The following ANKRD26 variants were observed in gnomAD, a reference collection of about 807,000 sequenced individuals.
ANKRD26 encodes the protein ankyrin repeat domain 26, also known as ankyrin repeat domain-containing protein 26.
A neutral mutation model predicts 208.7 loss-of-function variants in ANKRD26; 141 were observed. That is an observed-to-expected ratio of 0.68 (90% confidence interval 0.59 to 0.78). The LOEUF (loss-of-function observed/expected upper bound fraction) is 0.78. Among genes scored for constraint, ANKRD26 ranks in the 30% least tolerant of loss-of-function variants. The probability of loss-of-function intolerance (pLI) is 0.00; values close to 1 mark genes in which losing one functional copy is unlikely to be tolerated. For synonymous variants in ANKRD26, 636 were observed against 660.4 expected (o/e 0.96, Z 0.57); for missense variants, 1,889 against 1,938.7 (o/e 0.97, Z 0.48).
At chr10:27,044,115 T>C in intron 19 of ANKRD26, 42 bp downstream of exon 19, 1 of 1,289,988 alleles carries the variant, frequency 7.8e-7, no homozygotes, top group Non-Finnish European at 1.1e-6. Context: ...TTATAATGTA[T>C]TTTTTTAAAC....
intron 27 of ANKRD26, among the ~76,000 whole-genome samples, chr10:27,028,187 C>G (rs2053731375): frequency 1.3e-5 from 2 of 152,130 alleles, no homozygotes; most frequent in Non-Finnish European, 2.9e-5. Flanking sequence ...AAATCTGAAA[C>G]TCTTGAGTGT....
At chr10:26,965,131 A>C in the ANKRD26 span, among the ~76,000 whole-genome samples, 10 of 152,298 alleles carry the variant, frequency 6.6e-5, no homozygotes, top group Admixed American at 2.0e-4. Context: ...AAAAAAACTA[A>C]TTTAAAGTTC....
chr10:27,060,018 G>A (rs2054992701), intron 15 of ANKRD26, among the ~76,000 whole-genome samples: 1 of 152,134 alleles, frequency 6.6e-6, no homozygotes, highest in African/African-American at 2.4e-5. Context: ...TGGCCAACAT[G>A]GTGAAACCCC....
At position 27,093,738 on chromosome 10, in the gene ANKRD26, T is replaced by C. The variant is rs772532727; in HGVS notation, c.304A>G (p.Arg102Gly). The C allele has an allele frequency of 1.9e-6, 3 of 1,614,158 alleles. No individual in the cohort carries two copies. Among genetic ancestry groups the C allele is most frequent in the South Asian group, 2.2e-5 (2 of 91,096 alleles). ...TCACAGACATTGAGCTGGCATTTTC[T>C]GTCCACCAGGAGAGTTACTACTTCT... ...HPEVVTLLVD[R>G]KCQLNVCDNE... Residue 102 changes from arginine (R) to glycine (G), a missense_variant, in exon 2 of 34, where the codon AGA becomes GGA. By Grantham distance (125) the Arg-to-Gly change is moderately radical (BLOSUM62 -2). Transcript: ENST00000376087.
chr10:26,995,069 T>A (rs1354959856), exon 5 of ANKRD26: 1 of 471,168 alleles, frequency 2.1e-6, no homozygotes, highest in Admixed American at 2.3e-5. Flanking sequence ...TCCAGTGGCA[T>A]CTATTGCAGG....
chr10:27,049,392 C>A (rs960051493), intron 16 of ANKRD26, among the ~76,000 whole-genome samples: 1 of 152,182 alleles, frequency 6.6e-6, no homozygotes, highest in African/African-American at 2.4e-5. Flanking sequence ...TTTTACACTA[C>A]GCAGCCAGGA....
At chr10:27,061,665 C>G (rs899857044) in intron 12 of ANKRD26, among the ~76,000 whole-genome samples, 2 of 150,414 alleles carry the variant, frequency 1.3e-5, no homozygotes, top group African/African-American at 4.9e-5. Flanking sequence ...CTCCCAGGCT[C>G]AAGCAATCCT....
intron 10 of ANKRD26, 41 bp downstream of exon 10, chr10:27,067,116 C>A: frequency 6.2e-7 from 1 of 1,603,650 alleles, no homozygotes; most frequent in South Asian, 1.1e-5. Flanking sequence ...CAGAATAGAA[C>A]TTAAGGATAG....
chr10:26,957,210 C>G, the ANKRD26 span, among the ~76,000 whole-genome samples: 6 of 152,068 alleles, frequency 3.9e-5, no homozygotes, highest in South Asian at 2.1e-4. Flanking sequence ...GAGTTCAAGA[C>G]CAGCCTGGGC....
At chr10:27,097,306 T>C (rs907372610) in intron 1 of ANKRD26, among the ~76,000 whole-genome samples, 2 of 137,282 alleles carry the variant, frequency 1.5e-5, no homozygotes, top group African/African-American at 5.5e-5. Context: ...AAACCCTGTC[T>C]CTACTAGAAA....
chr10:26,988,897 G>A (rs1287573548), downstream of ANKRD26, among the ~76,000 whole-genome samples: 1 of 140,674 alleles, frequency 7.1e-6, no homozygotes, highest in Non-Finnish European at 1.6e-5. Context: ...AAAAAAAAAT[G>A]TATCTTCTCC....
intron 5 of ANKRD26, among the ~76,000 whole-genome samples, chr10:26,978,543 T>C (rs1186827801): frequency 1.3e-5 from 2 of 152,204 alleles, no homozygotes; most frequent in African/African-American, 4.8e-5. Context: ...TTATTCAATC[T>C]GGTCATAACT....
chr10:26,982,050 ATCTT>A (rs2052316812), intron 4 of ANKRD26, among the ~76,000 whole-genome samples: 1 of 152,174 alleles, frequency 6.6e-6, no homozygotes, highest in South Asian at 2.1e-4. Flanking sequence ...GGCTCAGTGA[ATCTT>A]TATTTTAACA....
At chr10:27,049,082 C>T (rs1474578992) in intron 16 of ANKRD26, 103 bp from the exon 17 acceptor site, 20 of 991,892 alleles carry the variant, frequency 2.0e-5, no homozygotes, top group South Asian at 5.1e-5. Flanking sequence ...ACTATGGTAA[C>T]TTTAGCCAAT....
exon 6 of ANKRD26, among the ~76,000 whole-genome samples, chr10:26,974,478 CT>C: frequency 6.6e-6 from 1 of 151,980 alleles, no homozygotes; most frequent in Non-Finnish European, 1.5e-5. Context: ...GTAGCTGGGA[CT>C]ACAGGCACCC....
intron 16 of ANKRD26, 53 bp from the exon 17 acceptor site, chr10:27,049,032 T>C (rs2054557824): frequency 1.4e-6 from 2 of 1,420,516 alleles, no homozygotes; most frequent in Non-Finnish European, 1.9e-6. Flanking sequence ...TCAATAATAA[T>C]TTCTTTGTTT....
At position 27,043,452 on chromosome 10, in the gene ANKRD26, A is replaced by G; in HGVS notation, c.2135T>C (p.Ile712Thr). The change falls in exon 20 of 34, where the codon ATT becomes ACT. Residue 712 changes from isoleucine to threonine, a missense_variant. Physicochemically the swap from Ile to Thr is moderately conservative, Grantham distance 89 (BLOSUM62 -1). This residue lies in a region of ANKRD26 where 1,272 missense variants were observed against 1,273.8 expected (regional missense o/e 1.00). Transcript: ENST00000376087. ...TTTACACTCCATTCCAAGTTGTTCA[A>G]TGAGCAACATAAAATTCTTGTAACT... ...HSSYKNFMLLIEQLGMECKDS... is the reference protein window; with the variant it reads ...HSSYKNFMLLTEQLGMECKDS... The G allele has an allele frequency of 2.5e-6, 4 of 1,614,042 alleles. No individual in the cohort carries two copies. Among genetic ancestry groups the G allele is most frequent in the Non-Finnish European group, 2.5e-6 (3 of 1,179,960 alleles).
chr10:27,061,604 G>A lies in ANKRD26; in HGVS notation c.1364-362C>T, dbSNP rs1261788912. Among the ~76,000 whole-genome samples the A allele has an allele frequency of 2.7e-5, 4 of 146,438 alleles. No homozygotes were observed. In the East Asian group the frequency reaches 8.2e-4, roughly 30 times the overall value. ...ATACAGAGTCTCACTCTGTCACCCGGACTGTAGTGCAGTGGCAAAATCATG... is the reference window on the plus strand; with the variant it reads ...ATACAGAGTCTCACTCTGTCACCCGAACTGTAGTGCAGTGGCAAAATCATG... On this transcript the variant is annotated intron_variant, in intron 12 of 33. Transcript: ENST00000376087.
chr10:27,077,503 TC>T lies in ANKRD26; in HGVS notation c.911del (p.Arg304LysfsTer49), dbSNP rs779014224. The T allele has an allele frequency of 1.2e-6, 2 of 1,613,980 alleles. No homozygotes were observed. The highest frequency in any genetic ancestry group is 1.7e-6 in the Non-Finnish European group (2 of 1,179,978). ...CGGAATCTCTATCCTCAAACAAAGT[TC>T]TATTTCCTGTTCTCACAGTGCCATA... ...ATYGTVRTGN[R>X]TLFEDRDSDS... is the part of the protein sequence containing the mutation. On this transcript the variant is annotated frameshift_variant, in exon 9 of 34. Coordinates refer to ENST00000376087, the MANE Select transcript of ANKRD26 (RefSeq NM_014915.3). LOFTEE classifies it high-confidence loss of function.
Sources: gnomAD v4.1 joint callset for allele counts (sites outside exome capture counted in the v4.1 genomes callset) on GRCh38, gnomAD v4.1.1 for gene constraint, gnomAD v4.1.1 regional missense constraint, MANE v1.5 for transcripts, NCBI Gene and HGNC (gene_info 2026-07-23, HGNC 2026-07-21) for gene names.